The following SLC16A10 variants were observed in gnomAD, a reference collection of about 807,000 sequenced individuals.
SLC16A10 encodes the protein solute carrier family 16 member 10, also known as monocarboxylate transporter 10.
A neutral mutation model predicts 40.0 loss-of-function variants in SLC16A10; 27 were observed. The observed-to-expected ratio is 0.67, with a 90% CI of 0.50 to 0.93. The LOEUF (loss-of-function observed/expected upper bound fraction) is 0.93, where lower values mean the gene tolerates loss of function less well. Ranked by LOEUF, SLC16A10 falls within the 40% of genes least tolerant of loss-of-function variation. The pLI is 0.00. For missense variants in SLC16A10, 529 were observed against 658.2 expected (o/e 0.80, Z 2.15); for synonymous variants, 213 against 249.8 (o/e 0.85, Z 1.39).
At chr6:111,209,220 AAG>A (rs1280480241) in intron 4 of SLC16A10, among the ~76,000 whole-genome samples, 1 of 152,102 alleles carries the variant, frequency 6.6e-6, no homozygotes, top group Non-Finnish European at 1.5e-5. Context: ...TTTAGAGAAA[AAG>A]AGTAGAGGTC....
chr6:111,097,006 G>C lies in SLC16A10; in HGVS notation c.343+8911G>C, dbSNP rs75300608. ...GGCTAATTTTTAAAAATTTTTTTGT[G>C]GGGGAGGGTCTCTCTATATTGCCCA... On this transcript the variant is annotated intron_variant, in intron 1 of 5. Transcript: ENST00000368851. Among the ~76,000 whole-genome samples, 106 of 151,912 alleles carry C rather than the reference G, an allele frequency of 7.0e-4. 1 individual carries two copies. The East Asian group carries it at 0.016, about 23-fold the overall frequency.
intron 1 of SLC16A10, among the ~76,000 whole-genome samples, chr6:111,114,629 A>G (rs1330448434): frequency 1.3e-5 from 2 of 152,214 alleles, no homozygotes; most frequent in Non-Finnish European, 2.9e-5. Flanking sequence ...AAAAATAGAA[A>G]AGCATGCATA....
At chr6:111,136,288 G>A (rs2114496067) in intron 1 of SLC16A10, among the ~76,000 whole-genome samples, 1 of 152,326 alleles carries the variant, frequency 6.6e-6, no homozygotes, top group Admixed American at 6.5e-5. Flanking sequence ...TCCTTACACA[G>A]GTCCGAGGGA....
At chr6:111,218,355 G>T (rs1188575907) in intron 4 of SLC16A10, among the ~76,000 whole-genome samples, 1 of 152,166 alleles carries the variant, frequency 6.6e-6, no homozygotes, top group East Asian at 1.9e-4. Context: ...CGGGCAGGTG[G>T]ATCACTTGAG....
intron 1 of SLC16A10, among the ~76,000 whole-genome samples, chr6:111,135,944 G>A (rs568555609): frequency 6.6e-5 from 10 of 152,148 alleles, no homozygotes; most frequent in African/African-American, 2.4e-4. Flanking sequence ...AGGCACCAGG[G>A]CCCTCAGTGA....
intron 1 of SLC16A10, among the ~76,000 whole-genome samples, chr6:111,132,185 AAGAG>A (rs372822390): frequency 6.7e-4 from 101 of 149,940 alleles, no homozygotes; most frequent in Admixed American, 9.3e-4. Context: ...GGGCTAGGAG[AAGAG>A]AGAGAGAGAG....
intron 4 of SLC16A10, among the ~76,000 whole-genome samples, chr6:111,213,431 C>T (rs796812669): frequency 7.9e-5 from 12 of 152,274 alleles, no homozygotes; most frequent in African/African-American, 2.6e-4. Context: ...CTTTCCTATC[C>T]ATCAGTCTGC....
At chr6:111,209,753 A>G (rs1348513068) in intron 4 of SLC16A10, among the ~76,000 whole-genome samples, 1 of 152,216 alleles carries the variant, frequency 6.6e-6, no homozygotes, top group Admixed American at 6.5e-5. Flanking sequence ...AGGAGTGGTC[A>G]GCAGTGTCAG....
Position 111,127,634 on chromosome 6 carries a change from A to G in SLC16A10, c.343+39539A>G, listed in dbSNP as rs574818286. ...TACAACTAGTGGTGGCTGATCAGCA[A>G]TTAGAACTGCAGTGTTCTTGCTGGT... On this transcript the variant is annotated intron_variant, in intron 1 of 5. Coordinates refer to ENST00000368851, the MANE Select transcript of SLC16A10 (RefSeq NM_018593.5). 7.5e-4 allele frequency among the ~76,000 whole-genome samples: 115 copies of G among 152,322 alleles called. 2 individuals are homozygous for G. The South Asian group carries it at 0.019, about 25-fold the overall frequency.
chr6:111,124,577 A>G (rs1420876303), intron 1 of SLC16A10, among the ~76,000 whole-genome samples: 1 of 152,148 alleles, frequency 6.6e-6, no homozygotes, highest in Admixed American at 6.5e-5. Context: ...TGCCCAGGAT[A>G]GTCTCCAACT....
chr6:111,168,176 C>T (rs1019761129), intron 1 of SLC16A10, among the ~76,000 whole-genome samples: 6 of 151,940 alleles, frequency 3.9e-5, no homozygotes, highest in Admixed American at 1.3e-4. Flanking sequence ...GATGGGGTTT[C>T]GCCCTGTTGG....
At chr6:111,108,720 G>C (rs1322583918) in intron 1 of SLC16A10, among the ~76,000 whole-genome samples, 3 of 152,174 alleles carry the variant, frequency 2.0e-5, no homozygotes, top group Non-Finnish European at 4.4e-5. Flanking sequence ...TTTCCATTCA[G>C]GAGGTTCTCA....
chr6:111,115,027 A>AT (rs200652652), intron 1 of SLC16A10, among the ~76,000 whole-genome samples: 59 of 151,608 alleles, frequency 3.9e-4, no homozygotes, highest in African/African-American at 1.3e-3. Flanking sequence ...AGTGGATTCT[A>AT]TTTTTTTTAA....
At position 111,223,765 on chromosome 6, in the gene SLC16A10, A is replaced by G. The variant is rs1583372531; in HGVS notation, c.*1530A>G. ...CTTTCTCATTTTTGAGAAGTTCAAC[A>G]AAACATACTACTAAGACCAATCATC... On this transcript the variant is annotated 3_prime_UTR_variant, in exon 6 of 6. Transcript: ENST00000368851. 1 of 152,248 alleles carries G rather than the reference A, an allele frequency of 6.6e-6. No individual in the cohort carries two copies. The highest frequency in any genetic ancestry group is 2.4e-5 in the African/African-American group (1 of 41,464). 9.4% of individuals were successfully genotyped at this position (152,248 alleles called of 1,614,324 possible). A position where few individuals can be genotyped will look rare whatever the true frequency, so the allele number is the denominator to read the frequency against.
intron 1 of SLC16A10, among the ~76,000 whole-genome samples, chr6:111,100,992 C>CTATATATATATATA (rs71021826): frequency 1.5e-4 from 10 of 66,410 alleles, no homozygotes; most frequent in African/African-American, 6.4e-4. Context: ...CTCTCTCTCT[C>CTATATATATATATA]TATATATATA....
In SLC16A10 at chr6:111,174,790, T is replaced by C. The variant is rs886441393; in HGVS notation, c.488+1951T>C. ...AGGGGACTGAGAGGTAGACAACTTA[T>C]GTAATCTACTACCTAGTTTGTTAAC... On this transcript the variant is annotated intron_variant, in intron 2 of 5. Coordinates refer to ENST00000368851, the MANE Select transcript of SLC16A10 (RefSeq NM_018593.5). Among the ~76,000 whole-genome samples, 10 of 152,206 alleles carry C rather than the reference T, an allele frequency of 6.6e-5. No individual in the cohort carries two copies. In the East Asian group the frequency reaches 1.9e-3, roughly 29 times the overall value.
At chr6:111,133,547 A>G (rs1771823432) in intron 1 of SLC16A10, among the ~76,000 whole-genome samples, 1 of 152,242 alleles carries the variant, frequency 6.6e-6, no homozygotes, top group Non-Finnish European at 1.5e-5. Flanking sequence ...AGTATAAATT[A>G]TAACACCATC....
intron 1 of SLC16A10, among the ~76,000 whole-genome samples, chr6:111,162,448 G>A (rs1479758496): frequency 1.3e-5 from 2 of 152,094 alleles, no homozygotes; most frequent in African/African-American, 2.4e-5. Context: ...CTCTGTACAG[G>A]GACTGTGTAG....
chr6:111,088,289 A>G (rs1770907639), intron 1 of SLC16A10, among the ~76,000 whole-genome samples, 194 bp downstream of exon 1: 1 of 152,088 alleles, frequency 6.6e-6, no homozygotes, highest in South Asian at 2.1e-4. Context: ...CCGTCTTTAT[A>G]TGGAATCCAG....
Sources: gnomAD v4.1 joint callset for allele counts (sites outside exome capture counted in the v4.1 genomes callset) on GRCh38, gnomAD v4.1.1 for gene constraint, MANE v1.5 for transcripts, NCBI Gene and HGNC (gene_info 2026-07-23, HGNC 2026-07-21) for gene names.